The following SDK1 variants were observed in gnomAD, a reference collection of about 807,000 sequenced individuals.
SDK1 encodes protein sidekick-1.
SDK1 carries 157 observed loss-of-function variants against 245.5 expected under a neutral mutation model. That is an observed-to-expected ratio of 0.64 (90% CI 0.56 to 0.73). The LOEUF (loss-of-function observed/expected upper bound fraction) is 0.73. Among genes scored for constraint, SDK1 ranks in the 30% least tolerant of loss-of-function variants. The pLI is 0.00. For missense variants in SDK1, 3,583 were observed against 3,002.3 expected (o/e 1.19, Z -4.52); for synonymous variants, 1,647 against 1,278.5 (o/e 1.29, Z -6.15).
At chr7:3,673,717 G>A (rs1252423857) in intron 4 of SDK1, among the ~76,000 whole-genome samples, 1 of 152,086 alleles carries the variant, frequency 6.6e-6, no homozygotes, top group Non-Finnish European at 1.5e-5. Flanking sequence ...CCAAAACTGC[G>A]CCCCCTGCTG....
chr7:3,931,830 G>A (rs529803508), intron 5 of SDK1, among the ~76,000 whole-genome samples: 1 of 152,240 alleles, frequency 6.6e-6, no homozygotes, highest in East Asian at 1.9e-4. Flanking sequence ...AACAAATGAC[G>A]CTCTCCTATT....
At chr7:4,151,291 G>A (rs1453301801) in intron 30 of SDK1, among the ~76,000 whole-genome samples, 3 of 152,122 alleles carry the variant, frequency 2.0e-5, no homozygotes. Flanking sequence ...ACCCACCCTG[G>A]CACAGTCACC....
intron 1 of SDK1, among the ~76,000 whole-genome samples, chr7:3,437,509 C>T (rs901682364): frequency 6.6e-6 from 1 of 152,090 alleles, no homozygotes; most frequent in Non-Finnish European, 1.5e-5. Context: ...CAGTGGCTCA[C>T]ACTTGTAATC....
rs777373486 is a variant in SDK1 at position 4,268,752 on chromosome 7, A to C, written c.*3368A>C. 16 of 1,367,680 alleles carry C rather than the reference A, an allele frequency of 1.2e-5. No individual in the cohort carries two copies. The South Asian group carries it at 1.6e-4, about 14-fold the overall frequency. 84.7% of individuals were successfully genotyped at this position (1,367,680 alleles called of 1,614,324 possible). ...CCCCGTGGGTCAGCGTCCTGGTAGC[A>C]TGGATCCAGTCTGAAAGGTGAGGAC... On this transcript the variant is annotated 3_prime_UTR_variant, in exon 45 of 45. Coordinates refer to ENST00000404826, the MANE Select transcript of SDK1 (RefSeq NM_152744.4).
chr7:4,023,178 C>G (rs1462173962), intron 17 of SDK1, among the ~76,000 whole-genome samples: 1 of 152,158 alleles, frequency 6.6e-6, no homozygotes, highest in Non-Finnish European at 1.5e-5. Context: ...GCACCTTGGA[C>G]ACATGGGGAT....
chr7:3,890,747 G>A lies in SDK1; in HGVS notation c.848-60176G>A, dbSNP rs537322194. ...ACCTGAGGTCAGGAGTTCGAGACGA[G>A]CCTGGGCAACATGGTGAAACCCTGT... On this transcript the variant is annotated intron_variant, in intron 5 of 44. Transcript: ENST00000404826. Among the ~76,000 whole-genome samples, 9 of 152,200 alleles carry A rather than the reference G, an allele frequency of 5.9e-5. No homozygotes were observed. In the East Asian group the frequency reaches 1.7e-3, roughly 29 times the overall value.
At chr7:3,694,834 C>T (rs1420394523) in intron 4 of SDK1, among the ~76,000 whole-genome samples, 1 of 152,122 alleles carries the variant, frequency 6.6e-6, no homozygotes, top group Non-Finnish European at 1.5e-5. Context: ...TTAATAGTGA[C>T]ATGCAGGCCT....
chr7:3,424,631 T>TCA (rs994997823), intron 1 of SDK1, among the ~76,000 whole-genome samples: 18 of 152,316 alleles, frequency 1.2e-4, no homozygotes, highest in African/African-American at 4.3e-4. Context: ...GGCACAGTGT[T>TCA]CACACCGGTA....
At chr7:3,388,254 G>A (rs1287448981) in intron 1 of SDK1, among the ~76,000 whole-genome samples, 4 of 151,296 alleles carry the variant, frequency 2.6e-5, no homozygotes, top group Non-Finnish European at 5.9e-5. Flanking sequence ...TTTTATGTAT[G>A]TAAAGTTCTG....
intron 17 of SDK1, among the ~76,000 whole-genome samples, chr7:4,038,244 T>TG (rs1788359444): frequency 6.6e-6 from 1 of 152,220 alleles, no homozygotes; most frequent in African/African-American, 2.4e-5. Flanking sequence ...TGCCATCCTG[T>TG]GGGACAGCTT....
At chr7:3,303,292 C>T (rs913541008) in intron 1 of SDK1, among the ~76,000 whole-genome samples, 3 of 152,158 alleles carry the variant, frequency 2.0e-5, no homozygotes, top group Non-Finnish European at 4.4e-5. Flanking sequence ...AAATCTAAAT[C>T]ACTTAGGATG....
intron 4 of SDK1, among the ~76,000 whole-genome samples, chr7:3,795,458 T>G (rs1778939897): frequency 6.6e-6 from 1 of 152,058 alleles, no homozygotes. Flanking sequence ...AAATATAAAG[T>G]GCGCTGAACT....
intron 4 of SDK1, among the ~76,000 whole-genome samples, chr7:3,654,318 G>A (rs954601648): frequency 1.3e-5 from 2 of 151,402 alleles, no homozygotes; most frequent in Non-Finnish European, 2.9e-5. Context: ...CTCAACGTGA[G>A]TAAGAAGATG....
In SDK1 at chr7:3,821,477, G is replaced by A. The variant is rs770180991; in HGVS notation, c.741G>A (p.Val247=). ...CCATCACATTGGAGAATCAGCTGGT[G>A]ATCCTCGCCACCACAACCAGTGATG... ...RIAITLENQL[V]ILATTTSDAG... Residue 247 remains valine (V), a synonymous_variant, in exon 5 of 45, where the codon GTG becomes GTA. Coordinates refer to ENST00000404826, the MANE Select transcript of SDK1 (RefSeq NM_152744.4). The A allele has an allele frequency of 6.2e-7, 1 of 1,613,556 alleles. No individual in the cohort carries two copies. Among genetic ancestry groups the A allele is most frequent in the Non-Finnish European group, 8.5e-7 (1 of 1,179,778 alleles).
intron 1 of SDK1, among the ~76,000 whole-genome samples, chr7:3,561,493 A>G (rs1244243018): frequency 6.6e-6 from 1 of 152,174 alleles, no homozygotes; most frequent in African/African-American, 2.4e-5. Flanking sequence ...AAGCTTTCTC[A>G]TGAGCACTGT....
At chr7:4,102,698 G>A (rs1398072252) in intron 22 of SDK1, among the ~76,000 whole-genome samples, 1 of 152,132 alleles carries the variant, frequency 6.6e-6, no homozygotes, top group Non-Finnish European at 1.5e-5. Context: ...GTTTCCACCA[G>A]TTTTTCCAGA....
At position 3,594,822 on chromosome 7, in the gene SDK1, G is replaced by A. The variant is rs534647729; in HGVS notation, c.299-24258G>A. ...ATCAGTCCCTGCTTTCATTAGAGGGGCAAGAGTGAGGATAGTTTTAAAATC... is the reference window on the plus strand; with the variant it reads ...ATCAGTCCCTGCTTTCATTAGAGGGACAAGAGTGAGGATAGTTTTAAAATC... On this transcript the variant is annotated intron_variant, in intron 1 of 44. Coordinates refer to ENST00000404826, the MANE Select transcript of SDK1 (RefSeq NM_152744.4). Among the ~76,000 whole-genome samples the A allele has an allele frequency of 3.3e-5, 5 of 152,280 alleles. No individual in the cohort carries two copies. The East Asian group carries it at 9.6e-4, about 29-fold the overall frequency.
At chr7:3,547,902 C>G (rs1340121016) in intron 1 of SDK1, among the ~76,000 whole-genome samples, 1 of 152,212 alleles carries the variant, frequency 6.6e-6, no homozygotes, top group African/African-American at 2.4e-5. Context: ...CCTGACCATG[C>G]TGTATGTTCC....
chr7:3,660,103 A>G (rs550356760), intron 4 of SDK1, among the ~76,000 whole-genome samples: 4 of 152,278 alleles, frequency 2.6e-5, no homozygotes, highest in South Asian at 4.1e-4. Flanking sequence ...ATTGGGGACA[A>G]TTTGTATGTA....
Sources: gnomAD v4.1 joint callset for allele counts (sites outside exome capture counted in the v4.1 genomes callset) on GRCh38, gnomAD v4.1.1 for gene constraint, MANE v1.5 for transcripts, NCBI Gene and HGNC (gene_info 2026-07-23, HGNC 2026-07-21) for gene names.